Variants in SCGB1D2 observed in about 807,000 individuals in gnomAD.
SCGB1D2 encodes secretoglobin family 1D member 2.
A neutral mutation model predicts 10.5 loss-of-function variants in SCGB1D2; 10 were observed. That is an observed-to-expected ratio of 0.95 (90% CI 0.59 to 1.61). The LOEUF (loss-of-function observed/expected upper bound fraction) is 1.61, where lower values mean the gene tolerates loss of function less well. Ranked by LOEUF, SCGB1D2 falls within the 40% of genes most tolerant of loss-of-function variation. The pLI is 0.00. For synonymous variants in SCGB1D2, 42 were observed against 42.8 expected (o/e 0.98, Z 0.08); for missense variants, 113 against 103.8 (o/e 1.09, Z -0.38).
rs751524201 is a variant in SCGB1D2 at position 62,243,259 on chromosome 11, A to G, written c.56-30A>G. ...AAAGAGAAAAATCGACTTTCCTAAC[A>G]TCAACTATATTTTTATTCTTTTGCT... On this transcript the variant is annotated intron_variant, in intron 1 of 2. Transcript: ENST00000244926. The G allele has an allele frequency of 1.9e-6, 3 of 1,594,264 alleles. No homozygotes were observed. In the Admixed American group the frequency reaches 5.1e-5, roughly 27 times the overall value.
chr11:62,244,481 G>C (rs1413870119), intron 2 of SCGB1D2, among the ~76,000 whole-genome samples, 189 bp from the exon 3 acceptor site: 1 of 152,126 alleles, frequency 6.6e-6, no homozygotes, highest in Non-Finnish European at 1.5e-5. Context: ...GCAAGAAAAG[G>C]CTGCTCCATC....
At chr11:62,244,296 C>T (rs1945090795) in intron 2 of SCGB1D2, among the ~76,000 whole-genome samples, 2 of 152,128 alleles carry the variant, frequency 1.3e-5, no homozygotes. Context: ...TTCCCAGAAG[C>T]CCTCTCAGCC....
chr11:62,243,521 A>C (rs535445917), intron 2 of SCGB1D2, 45 bp downstream of exon 2: 1 of 1,537,248 alleles, frequency 6.5e-7, no homozygotes, highest in Non-Finnish European at 8.9e-7. Flanking sequence ...GGTCAGCTGC[A>C]CAGTATGAAG....
chr11:62,243,193 T>C (rs1280140085), intron 1 of SCGB1D2, 96 bp from the exon 2 acceptor site: 4 of 948,630 alleles, frequency 4.2e-6, no homozygotes, highest in South Asian at 1.6e-5. Context: ...TATGTGAACA[T>C]ATAACCCAGG....
chr11:62,243,927 A>T (rs1192328332), intron 2 of SCGB1D2, among the ~76,000 whole-genome samples: 1 of 152,070 alleles, frequency 6.6e-6, no homozygotes, highest in Non-Finnish European at 1.5e-5. Context: ...GCTCCTGCAG[A>T]TGTAGCACTG....
At chr11:62,242,419 C>A in intron 1 of SCGB1D2, 57 bp downstream of exon 1, 2 of 1,564,860 alleles carry the variant, frequency 1.3e-6, no homozygotes, top group Non-Finnish European at 8.8e-7. Flanking sequence ...CTCTTCCAAG[C>A]ACGAGGTCAC....
rs1431741660 is a variant in SCGB1D2, at chr11:62,242,365, G to A, written c.55+3G>A. On this transcript the variant is annotated splice_donor_region_variant and intron_variant, in intron 1 of 2. Coordinates refer to ENST00000244926, the MANE Select transcript of SCGB1D2 (RefSeq NM_006551.4). ...GCTGGCCCTCTGCTGCTACCAGGGTGAGTACATCAGTCATGAGTCTAGCTC... is the reference window on the plus strand; with the variant it reads ...GCTGGCCCTCTGCTGCTACCAGGGTAAGTACATCAGTCATGAGTCTAGCTC... 1.2e-6 allele frequency: 2 copies of A among 1,613,958 alleles called. No homozygotes were observed. Among genetic ancestry groups the A allele is most frequent in the East Asian group, 2.2e-5 (1 of 44,872 alleles).
intron 2 of SCGB1D2, 50 bp downstream of exon 2, chr11:62,243,526 ATGAAG>A: frequency 2.0e-6 from 3 of 1,493,726 alleles, no homozygotes; most frequent in Non-Finnish European, 2.8e-6. Context: ...GCTGCACAGT[ATGAAG>A]TGAGGTCAGC....
intron 1 of SCGB1D2, 118 bp from the exon 2 acceptor site, chr11:62,243,171 G>T: frequency 2.7e-6 from 2 of 746,284 alleles, no homozygotes; most frequent in Non-Finnish European, 4.3e-6. Context: ...ATTGTCATCA[G>T]CACAACAAAT....
intron 1 of SCGB1D2, 80 bp from the exon 2 acceptor site, chr11:62,243,209 C>A: frequency 8.9e-7 from 1 of 1,118,104 alleles, no homozygotes; most frequent in Non-Finnish European, 1.3e-6. Flanking sequence ...CCAGGGGATC[C>A]TGTCTGGTCT....
In SCGB1D2 at chr11:62,243,482, T is replaced by G; in HGVS notation, c.243+6T>G. On this transcript the variant is annotated splice_donor_region_variant and intron_variant, in intron 2 of 2. Transcript: ENST00000244926. ...GCCTCATTGCGGAAGTCCTGGTAAC[T>G]TCTTTCTCCTTTATTTGTTAAGGCT... The G allele has an allele frequency of 6.2e-7, 1 of 1,609,256 alleles. No homozygotes were observed. The highest frequency in any genetic ancestry group is 8.5e-7 in the Non-Finnish European group (1 of 1,177,088).
chr11:62,242,851 G>A (rs1945074854), intron 1 of SCGB1D2, among the ~76,000 whole-genome samples: 3 of 152,220 alleles, frequency 2.0e-5, no homozygotes, highest in African/African-American at 7.2e-5. Context: ...ACTTTGGAAG[G>A]TCAAGGAGAG....
At position 62,243,331 on chromosome 11, in the gene SCGB1D2, ACTT is replaced by A. The variant is rs574464139; in HGVS notation, c.106_108del (p.Phe36del). On this transcript the variant is annotated inframe_deletion, in exon 2 of 3. Coordinates refer to ENST00000244926, the MANE Select transcript of SCGB1D2 (RefSeq NM_006551.4). ...CCAGCTCTTGTTTCTGAGCTGTTAG[ACTT>A]CTTCTTCATTAGTGAACCTCTGTTC... is the stretch of plus-strand genomic sequence containing the variant. 1.8e-4 allele frequency: 295 copies of A among 1,613,878 alleles called. 2 individuals carry two copies. In the South Asian group the frequency reaches 2.2e-3, roughly 12 times the overall value.
rs775701487 is a variant in SCGB1D2 at position 62,243,432 on chromosome 11, G to A, written c.199G>A (p.Asp67Asn). 4.6e-5 allele frequency: 75 copies of A among 1,613,708 alleles called. 1 individual carries two copies. Among genetic ancestry groups the A allele is most frequent in the Non-Finnish European group, 5.8e-5 (68 of 1,179,944 alleles). Reference sequence around the variant, plus strand: ...CAAGTTAGGAGTGAAGAGATGCACGGATCAGATGTCCCTTCAGAAACGAAG... The same window carrying A: ...CAAGTTAGGAGTGAAGAGATGCACGAATCAGATGTCCCTTCAGAAACGAAG... Reference protein sequence around the residue: ...AAKLGVKRCTDQMSLQKRSLI... With the variant: ...AAKLGVKRCTNQMSLQKRSLI... Residue 67 changes from aspartate (D) to asparagine (N), a missense_variant, in exon 2 of 3, where the codon GAT (aspartate) becomes AAT (asparagine). Asp to Asn is a conservative substitution (Grantham distance 23). Coordinates refer to ENST00000244926, the MANE Select transcript of SCGB1D2 (RefSeq NM_006551.4).
At position 62,244,791 on chromosome 11, in the gene SCGB1D2, T is replaced by C; in HGVS notation, c.*92T>C. 9.0e-7 allele frequency: 1 copy of C among 1,113,004 alleles called. No homozygotes were observed. Among genetic ancestry groups the C allele is most frequent in the Admixed American group, 1.8e-5 (1 of 54,388 alleles). The allele number at this position is 1,113,004 out of a possible 1,614,324, so 68.9% of individuals were successfully genotyped here. A position where few individuals can be genotyped will look rare whatever the true frequency, so the allele number is the denominator to read the frequency against. On this transcript the variant is annotated 3_prime_UTR_variant, in exon 3 of 3. Transcript: ENST00000244926. ...TAAAGGTTTCAACGTCTTGCTTTAA[T>C]AAATCACTTGCTCTCCACGTCTCCA...
At chr11:62,242,678 C>T (rs1945073083) in intron 1 of SCGB1D2, among the ~76,000 whole-genome samples, 1 of 152,214 alleles carries the variant, frequency 6.6e-6, no homozygotes, top group African/African-American at 2.4e-5. Flanking sequence ...CTTCCCAGCC[C>T]TTTGACCTTG....
Position 62,243,364 on chromosome 11 carries a change from TAA to T in SCGB1D2, c.132_133del (p.Leu46CysfsTer4), listed in dbSNP as rs752710048. Reference sequence around the variant, plus strand: ...TTCATTAGTGAACCTCTGTTCAAGTTAAGTCTTGCCAAATTTGATGCCCCTCC... The same window carrying T: ...TTCATTAGTGAACCTCTGTTCAAGTTGTCTTGCCAAATTTGATGCCCCTCC... On this transcript the variant is annotated frameshift_variant, in exon 2 of 3. Coordinates refer to ENST00000244926, the MANE Select transcript of SCGB1D2 (RefSeq NM_006551.4). LOFTEE classifies it high-confidence loss of function. 2 of 1,613,954 alleles carry T rather than the reference TAA, an allele frequency of 1.2e-6. No homozygotes were observed. Among genetic ancestry groups the T allele is most frequent in the Non-Finnish European group, 1.7e-6 (2 of 1,179,916 alleles).
rs1347370172 is a variant in SCGB1D2, at chr11:62,242,358, C to T, written c.51C>T (p.Tyr17=). The T allele has an allele frequency of 6.2e-7, 1 of 1,614,002 alleles. No homozygotes were observed. The change falls in exon 1 of 3, where the codon TAC becomes TAT. Residue 17 remains tyrosine, a synonymous_variant. Coordinates refer to ENST00000244926, the MANE Select transcript of SCGB1D2 (RefSeq NM_006551.4). ...TGGTCACGCTGGCCCTCTGCTGCTA[C>T]CAGGGTGAGTACATCAGTCATGAGT... The part of the protein sequence containing the change: ...LLLVTLALCC[Y]QANAEFCPAL...
intron 2 of SCGB1D2, 139 bp from the exon 3 acceptor site, chr11:62,244,531 A>T (rs1030860288): frequency 4.9e-5 from 35 of 721,028 alleles, no homozygotes; most frequent in Non-Finnish European, 7.7e-5. Flanking sequence ...TCTAGGCCTC[A>T]GTTTCCCAAA....
Sources: gnomAD v4.1 joint callset for allele counts (sites outside exome capture counted in the v4.1 genomes callset) on GRCh38, gnomAD v4.1.1 for gene constraint, MANE v1.5 for transcripts, NCBI Gene and HGNC (gene_info 2026-07-23, HGNC 2026-07-21) for gene names.